SHC3: variants seen among roughly 807,000 people sequenced by gnomAD.
SHC3 encodes the protein SHC adaptor protein 3, also known as SHC-transforming protein 3.
In SHC3, 15 loss-of-function variants were observed where a neutral mutation model predicts 60.4. That is an observed-to-expected ratio of 0.25 (90% CI 0.17 to 0.38). SHC3 has a LOEUF of 0.38. Ranked by LOEUF, SHC3 falls within the 10% of genes least tolerant of loss-of-function variation. SHC3 has a pLI of 1.00. For synonymous variants in SHC3, 294 were observed against 325.9 expected (o/e 0.90, Z 1.05); for missense variants, 677 against 786.1 (o/e 0.86, Z 1.66).
intron 11 of SHC3, among the ~76,000 whole-genome samples, chr9:89,030,519 A>G (rs1167867960): frequency 6.6e-6 from 1 of 152,224 alleles, no homozygotes; most frequent in African/African-American, 2.4e-5. Flanking sequence ...ATCTGAATAG[A>G]CCTATAACAA....
Position 89,105,389 on chromosome 9 carries a change from A to G in SHC3, c.545+7167T>C, listed in dbSNP as rs766823678. 2.0e-5 allele frequency among the ~76,000 whole-genome samples: 3 copies of G among 152,172 alleles called. No individual in the cohort carries two copies. The South Asian group carries it at 6.2e-4, about 32-fold the overall frequency. ...TATCCTCATCCCCAAAATACACACAATCTGCCTCCCAAGGTTACTGAGAAA... is the reference window on the plus strand; with the variant it reads ...TATCCTCATCCCCAAAATACACACAGTCTGCCTCCCAAGGTTACTGAGAAA... On this transcript the variant is annotated intron_variant, in intron 2 of 11. Transcript: ENST00000375835.
chr9:89,035,908 T>C (rs1824571944), intron 11 of SHC3, among the ~76,000 whole-genome samples: 1 of 147,708 alleles, frequency 6.8e-6, no homozygotes, highest in Admixed American at 6.8e-5. Flanking sequence ...CTCTATCTCA[T>C]TTCATATTCA....
At chr9:89,025,629 T>A (rs1372064340) in intron 11 of SHC3, among the ~76,000 whole-genome samples, 2 of 152,132 alleles carry the variant, frequency 1.3e-5, no homozygotes, top group Non-Finnish European at 2.9e-5. Flanking sequence ...TATATCTTCC[T>A]CCCTTTGGAA....
chr9:89,099,127 G>T (rs1587726182), intron 2 of SHC3, among the ~76,000 whole-genome samples: 1 of 151,994 alleles, frequency 6.6e-6, no homozygotes, highest in South Asian at 2.1e-4. Flanking sequence ...CAATAGAATT[G>T]AAGTAGCAAG....
At chr9:89,166,349 G>T (rs1826789229) in intron 1 of SHC3, among the ~76,000 whole-genome samples, 2 of 152,178 alleles carry the variant, frequency 1.3e-5, no homozygotes, top group Admixed American at 1.3e-4. Flanking sequence ...GCCTAGCACA[G>T]AATAGGGGTT....
At chr9:89,089,405 G>A (rs761878761) in intron 2 of SHC3, among the ~76,000 whole-genome samples, 25 of 152,208 alleles carry the variant, frequency 1.6e-4, no homozygotes, top group Admixed American at 8.5e-4. Flanking sequence ...TGATCTTGGA[G>A]CCTGGGGGGT....
chr9:89,157,160 T>C (rs1826634770), intron 1 of SHC3, among the ~76,000 whole-genome samples: 2 of 152,124 alleles, frequency 1.3e-5, no homozygotes, highest in Non-Finnish European at 2.9e-5. Context: ...TCAATAAATA[T>C]TTGGCCCTAC....
At chr9:89,132,429 C>T (rs192449564) in intron 1 of SHC3, among the ~76,000 whole-genome samples, 2 of 152,124 alleles carry the variant, frequency 1.3e-5, no homozygotes, top group African/African-American at 4.8e-5. Flanking sequence ...CATATGGAAC[C>T]AAAAAAGAGC....
intron 2 of SHC3, among the ~76,000 whole-genome samples, chr9:89,088,233 G>C (rs1329210796): frequency 6.6e-6 from 1 of 152,156 alleles, no homozygotes; most frequent in Non-Finnish European, 1.5e-5. Flanking sequence ...CAGGTCTTTA[G>C]ATAATAACTC....
At chr9:89,110,685 C>T (rs1825934776) in intron 2 of SHC3, among the ~76,000 whole-genome samples, 1 of 152,166 alleles carries the variant, frequency 6.6e-6, no homozygotes, top group Admixed American at 6.5e-5. Context: ...TGGAGACGAG[C>T]AAATTTAGCT....
intron 2 of SHC3, among the ~76,000 whole-genome samples, chr9:89,102,536 T>G (rs2118085798): frequency 6.6e-6 from 1 of 152,354 alleles, no homozygotes; most frequent in Non-Finnish European, 1.5e-5. Context: ...AATAGCGTTT[T>G]CAATATATAT....
chr9:89,046,527 T>C (rs575043410), intron 8 of SHC3, among the ~76,000 whole-genome samples: 2 of 152,232 alleles, frequency 1.3e-5, no homozygotes, highest in Admixed American at 1.3e-4. Flanking sequence ...CCAAGCCTTT[T>C]TAAAATCTTA....
intron 1 of SHC3, among the ~76,000 whole-genome samples, chr9:89,170,530 A>G (rs57805607): frequency 0.012 from 1,826 of 152,278 alleles, 34 homozygotes; most frequent in African/African-American, 0.041. Flanking sequence ...CCTGTGTCCC[A>G]GCTATTCGGG....
At position 89,109,703 on chromosome 9, in the gene SHC3, G is replaced by A. The variant is rs1564150934; in HGVS notation, c.545+2853C>T. On this transcript the variant is annotated intron_variant, in intron 2 of 11. Transcript: ENST00000375835. ...AGGAGACCACCCCCATGCACTCCAG[G>A]TTGTGATTCTCACCAACATCTTCAG... is the stretch of plus-strand genomic sequence containing the variant. The A allele has an allele frequency of 3.0e-6, 3 of 985,438 alleles. No homozygotes were observed. The East Asian group carries it at 3.4e-4, about 112-fold the overall frequency. The allele number at this position is 985,438 out of a possible 1,614,324, so 61.0% of individuals were successfully genotyped here. A position where few individuals can be genotyped will look rare whatever the true frequency, so the allele number is the denominator to read the frequency against.
chr9:89,033,985 C>T (rs1180002714), intron 11 of SHC3, among the ~76,000 whole-genome samples: 1 of 152,142 alleles, frequency 6.6e-6, no homozygotes, highest in African/African-American at 2.4e-5. Flanking sequence ...TACTTACAAA[C>T]AGAGATTCAA....
intron 11 of SHC3, among the ~76,000 whole-genome samples, chr9:89,025,050 G>A (rs983828098): frequency 6.6e-6 from 1 of 152,162 alleles, no homozygotes; most frequent in Non-Finnish European, 1.5e-5. Context: ...AGAAATACTG[G>A]TTAAAATTTT....
At chr9:89,077,443 T>C (rs1171461182) in intron 3 of SHC3, among the ~76,000 whole-genome samples, 1 of 152,222 alleles carries the variant, frequency 6.6e-6, no homozygotes, top group Non-Finnish European at 1.5e-5. Context: ...AACTTTCTTT[T>C]TCATTCCCCT....
intron 9 of SHC3, 125 bp from the exon 10 acceptor site, chr9:89,042,309 A>T: frequency 9.6e-7 from 1 of 1,045,234 alleles, no homozygotes; most frequent in Non-Finnish European, 1.3e-6. Flanking sequence ...CCTATGGGTG[A>T]TATTCTCCTC....
At chr9:89,143,366 C>T (rs1015126477) in intron 1 of SHC3, among the ~76,000 whole-genome samples, 1 of 151,998 alleles carries the variant, frequency 6.6e-6, no homozygotes, top group African/African-American at 2.4e-5. Context: ...TTGACTGCAA[C>T]CTGTTTTATC....
Sources: gnomAD v4.1 joint callset for allele counts (sites outside exome capture counted in the v4.1 genomes callset) on GRCh38, gnomAD v4.1.1 for gene constraint, MANE v1.5 for transcripts, NCBI Gene and HGNC (gene_info 2026-07-23, HGNC 2026-07-21) for gene names.